The following BORCS7 variants were observed in gnomAD, a reference collection of about 807,000 sequenced individuals.
The protein encoded by BORCS7 is BLOC-1-related complex subunit 7.
A neutral mutation model predicts 17.5 loss-of-function variants in BORCS7; 20 were observed. The observed-to-expected ratio is 1.14, with a 90% CI of 0.80 to 1.66. The LOEUF (loss-of-function observed/expected upper bound fraction) is 1.66. Ranked by LOEUF, BORCS7 falls within the 40% of genes most tolerant of loss-of-function variation. The probability of loss-of-function intolerance (pLI) is 0.00; values close to 1 mark genes in which losing one functional copy is unlikely to be tolerated. For synonymous variants in BORCS7, 57 were observed against 49.8 expected (o/e 1.14, Z -0.61); for missense variants, 122 against 129.7 (o/e 0.94, Z 0.29).
chr10:102,860,678 C>T (rs1844502843), intron 3 of BORCS7, 137 bp downstream of exon 3: 13 of 872,344 alleles, frequency 1.5e-5, no homozygotes, highest in South Asian at 1.0e-4. Context: ...ATGACTTTCT[C>T]GATGGCAAAG....
Position 102,862,133 on chromosome 10 carries a change from A to G in BORCS7, c.249-27A>G, listed in dbSNP as rs755528543. The G allele has an allele frequency of 1.1e-5, 18 of 1,590,614 alleles. No individual in the cohort carries two copies. The Admixed American group carries it at 3.0e-4, about 27-fold the overall frequency. On this transcript the variant is annotated intron_variant, in intron 3 of 4. Coordinates refer to ENST00000339834, the MANE Select transcript of BORCS7 (RefSeq NM_001136200.2). ...GAAACTTATTAGTTCACTTATGTGT[A>G]TTTTCCTCTTTCCTTTTCTGATTTA... is the stretch of plus-strand genomic sequence containing the variant.
chr10:102,860,823 C>G (rs1844506531), intron 3 of BORCS7: 1 of 543,176 alleles, frequency 1.8e-6, no homozygotes, highest in South Asian at 2.2e-5. Context: ...AGGGCCCGTG[C>G]CAGGACCATG....
At chr10:102,856,222 T>C (rs1398780209) in intron 1 of BORCS7, among the ~76,000 whole-genome samples, 1 of 152,104 alleles carries the variant, frequency 6.6e-6, no homozygotes, top group African/African-American at 2.4e-5. Flanking sequence ...TTGAGTTGTG[T>C]GCTTAGTGAG....
chr10:102,857,255 C>T (rs992257947), intron 1 of BORCS7, among the ~76,000 whole-genome samples: 3 of 152,240 alleles, frequency 2.0e-5, no homozygotes, highest in Admixed American at 6.5e-5. Context: ...CCTTTGTAAC[C>T]CCTCCAGATT....
At chr10:102,861,136 T>C (rs1328954564) in intron 3 of BORCS7, among the ~76,000 whole-genome samples, 1 of 152,148 alleles carries the variant, frequency 6.6e-6, no homozygotes, top group Non-Finnish European at 1.5e-5. Flanking sequence ...TGGTTGGGGC[T>C]GGGCATGGTG....
At chr10:102,859,024 C>T (rs1452062735) in intron 1 of BORCS7, among the ~76,000 whole-genome samples, 1 of 151,944 alleles carries the variant, frequency 6.6e-6, no homozygotes, top group East Asian at 1.9e-4. Flanking sequence ...ATGTGGTCAG[C>T]TCTCCTTGAC....
At chr10:102,857,439 G>A (rs1844445477) in intron 1 of BORCS7, among the ~76,000 whole-genome samples, 1 of 152,090 alleles carries the variant, frequency 6.6e-6, no homozygotes, top group Admixed American at 6.6e-5. Context: ...CTTAAAAGTA[G>A]CCACAGGAGG....
rs138404285 is a variant in BORCS7, at chr10:102,854,424, C to T, written c.138C>T (p.Ser46=). ...AGGTGCTGAAAGGCTCCCGGAGCTC[C>T]GAGGTGAGCTGGAAGTGGACTCTCC... is the stretch of plus-strand genomic sequence containing the variant. ...TKQVLKGSRS[S]ELLGQAARNM... is the part of the protein sequence containing the mutation. The change falls in exon 1 of 5, where the codon TCC becomes TCT. Residue 46 remains serine, a synonymous_variant. Transcript: ENST00000339834. The T allele has an allele frequency of 9.1e-6, 14 of 1,535,292 alleles. No homozygotes were observed. In the African/African-American group the frequency reaches 1.5e-4, roughly 17 times the overall value.
chr10:102,860,317 AT>A lies in BORCS7; in HGVS notation c.142-10del. On this transcript the variant is annotated splice_polypyrimidine_tract_variant and intron_variant, in intron 1 of 4. Transcript: ENST00000339834. ...TGGGAATTTTGATTATTACCATTTT[AT>A]TTTTGTCTTCCAGCTGCTAGGTCAG... 1.2e-6 allele frequency: 2 copies of A among 1,612,216 alleles called. No homozygotes were observed. The highest frequency in any genetic ancestry group is 1.1e-5 in the South Asian group (1 of 90,928).
chr10:102,862,067 C>T, intron 3 of BORCS7, 93 bp from the exon 4 acceptor site: 2 of 1,223,426 alleles, frequency 1.6e-6, no homozygotes, highest in Non-Finnish European at 2.4e-6. Flanking sequence ...GTGACATAAG[C>T]TGAAATTTCT....
rs1361933119 is a variant in BORCS7 at position 102,864,222 on chromosome 10, A to C, written c.*1298A>C. ...AGTAACAGTGAATCCAATATAGTTCATATTGTTATTGTCCAATCATCAAGT... is the reference window on the plus strand; with the variant it reads ...AGTAACAGTGAATCCAATATAGTTCCTATTGTTATTGTCCAATCATCAAGT... On this transcript the variant is annotated 3_prime_UTR_variant, in exon 5 of 5. Transcript: ENST00000339834. 2 of 152,184 alleles carry C rather than the reference A, an allele frequency of 1.3e-5. No homozygotes were observed. Among genetic ancestry groups the C allele is most frequent in the Non-Finnish European group, 2.9e-5 (2 of 68,024 alleles). The allele number at this position is 152,184 out of a possible 1,614,324, so 9.4% of individuals were successfully genotyped here.
At position 102,863,578 on chromosome 10, in the gene BORCS7, TACTG is replaced by T. The variant is rs1210004795; in HGVS notation, c.*656_*659del. Reference sequence around the variant, plus strand: ...GTCTAAATTTCAGTACTTAAGCAAATACTGAGTAGTGTTTTAAATTCAGAAATAG... The same window carrying T: ...GTCTAAATTTCAGTACTTAAGCAAATAGTAGTGTTTTAAATTCAGAAATAG... On this transcript the variant is annotated 3_prime_UTR_variant, in exon 5 of 5. Transcript: ENST00000339834. The T allele has an allele frequency of 6.6e-6, 1 of 152,210 alleles. No homozygotes were observed. Among genetic ancestry groups the T allele is most frequent in the Non-Finnish European group, 1.5e-5 (1 of 68,038 alleles). The allele number at this position is 152,210 out of a possible 1,614,324, so 9.4% of individuals were successfully genotyped here. A position where few individuals can be genotyped will look rare whatever the true frequency, so the allele number is the denominator to read the frequency against.
chr10:102,860,559 A>G lies in BORCS7; in HGVS notation c.248+18A>G. 2 of 1,609,514 alleles carry G rather than the reference A, an allele frequency of 1.2e-6. No individual in the cohort carries two copies. Among genetic ancestry groups the G allele is most frequent in the Non-Finnish European group, 1.7e-6 (2 of 1,175,840 alleles). On this transcript the variant is annotated intron_variant, in intron 3 of 4. Coordinates refer to ENST00000339834, the MANE Select transcript of BORCS7 (RefSeq NM_001136200.2). ...CAATACCAGTGAGTATGCCCCCTCC[A>G]GCAACTATTTGCTGCAGAATCATTA...
At chr10:102,862,770 A>T in intron 4 of BORCS7, 103 bp from the exon 5 acceptor site, 1 of 939,726 alleles carries the variant, frequency 1.1e-6, no homozygotes, top group Non-Finnish European at 1.7e-6. Context: ...CAGCATAGTG[A>T]GACCCTGTCT....
At chr10:102,860,477 C>T (rs767827883) in intron 2 of BORCS7, 21 bp from the exon 3 acceptor site, 47 of 1,608,550 alleles carry the variant, frequency 2.9e-5, no homozygotes, top group Non-Finnish European at 3.8e-5. Context: ...TGTTCTATTT[C>T]TCTCTCTCTT....
chr10:102,854,490 G>T (rs1036140184), intron 1 of BORCS7, 63 bp downstream of exon 1: 84 of 1,491,860 alleles, frequency 5.6e-5, no homozygotes, highest in Non-Finnish European at 7.2e-5. Context: ...TCGTTGCTGT[G>T]GGAAGGAGGT....
At chr10:102,855,817 G>A (rs550036408) in intron 1 of BORCS7, among the ~76,000 whole-genome samples, 1 of 152,218 alleles carries the variant, frequency 6.6e-6, no homozygotes, top group South Asian at 2.1e-4. Context: ...CTAAAGTGCA[G>A]TGGCCCGATC....
At chr10:102,859,334 T>C (rs1844479361) in intron 1 of BORCS7, among the ~76,000 whole-genome samples, 1 of 151,742 alleles carries the variant, frequency 6.6e-6, no homozygotes, top group Non-Finnish European at 1.5e-5. Flanking sequence ...GTAGAGGGGT[T>C]TTGCCATGTT....
rs1295973025 is a variant in BORCS7, at chr10:102,854,363, C to T, written c.77C>T (p.Thr26Ile). 1 of 1,581,304 alleles carries T rather than the reference C, an allele frequency of 6.3e-7. No individual in the cohort carries two copies. The highest frequency in any genetic ancestry group is 8.6e-7 in the Non-Finnish European group (1 of 1,162,878). Residue 26 changes from threonine (T) to isoleucine (I), a missense_variant, in exon 1 of 5, where the codon ACC becomes ATC. Coordinates refer to ENST00000339834, the MANE Select transcript of BORCS7 (RefSeq NM_001136200.2). ...SVKGLLTEKV[T>I]TCGTDVIALT... ...AAGGGGCTTCTCACGGAGAAGGTGA[C>T]CACCTGTGGTACTGACGTAATCGCG...
Sources: allele counts gnomAD v4.1 joint callset (sites outside exome capture counted in the v4.1 genomes callset), GRCh38; gene constraint gnomAD v4.1.1; transcripts MANE v1.5; gene names NCBI Gene and HGNC (gene_info 2026-07-23, HGNC 2026-07-21).